The following RFX3 variants were observed in gnomAD, a reference collection of about 807,000 sequenced individuals.
The protein encoded by RFX3 is transcription factor RFX3.
Under a neutral mutation model 98.6 loss-of-function variants are expected in RFX3, and 14 were observed. The ratio of observed to expected loss-of-function variants is 0.14; its 90% CI spans 0.09 to 0.22. RFX3 has a LOEUF of 0.22. RFX3 is among the 10% of genes least tolerant of loss of function. The pLI, the probability that RFX3 is intolerant of heterozygous loss-of-function variation, is 1.00. For missense variants in RFX3, 639 were observed against 926.9 expected (o/e 0.69, Z 4.03); for synonymous variants, 383 against 328.4 (o/e 1.17, Z -1.80).
chr9:3,271,091 G>T lies in RFX3; in HGVS notation c.1114C>A (p.Gln372Lys). 1 of 1,613,760 alleles carries T rather than the reference G, an allele frequency of 6.2e-7. No individual in the cohort carries two copies. Among genetic ancestry groups the T allele is most frequent in the Non-Finnish European group, 8.5e-7 (1 of 1,179,802 alleles). The change falls in exon 10 of 17, where the codon CAA becomes AAA. Residue 372 changes from glutamine to lysine, a missense_variant. Physicochemically the swap from Gln to Lys is moderately conservative, Grantham distance 53. This residue lies in a region of RFX3 where 6 missense variants were observed against 34.5 expected (regional missense o/e 0.17). Transcript: ENST00000617270. Reference sequence around the variant, plus strand: ...CACAATTTTTCTATCAGGCTAAATTGAAGATTCACAACAACGTCCAATATT... The same window carrying T: ...CACAATTTTTCTATCAGGCTAAATTTAAGATTCACAACAACGTCCAATATT... ...EAILDVVVNL[Q>K]FSLIEKLWQT...
At chr9:3,414,941 T>C (rs903483733) in intron 1 of RFX3, among the ~76,000 whole-genome samples, 9 of 137,846 alleles carry the variant, frequency 6.5e-5, no homozygotes, top group East Asian at 4.2e-4. Context: ...TGTATATATA[T>C]ACACATATAT....
chr9:3,467,913 A>G (rs1050802249), intron 1 of RFX3, among the ~76,000 whole-genome samples: 3 of 152,210 alleles, frequency 2.0e-5, no homozygotes, highest in African/African-American at 7.2e-5. Context: ...AGCATCATGC[A>G]GCAGCAATCA....
At position 3,224,862 on chromosome 9, in the gene RFX3, T is replaced by C; in HGVS notation, c.*180A>G. 1 of 524,840 alleles carries C rather than the reference T, an allele frequency of 1.9e-6. No individual in the cohort carries two copies. The highest frequency in any genetic ancestry group is 3.3e-6 in the Non-Finnish European group (1 of 306,990). The allele number at this position is 524,840 out of a possible 1,614,324, so 32.5% of individuals were successfully genotyped here. A position where few individuals can be genotyped will look rare whatever the true frequency, so the allele number is the denominator to read the frequency against. ...ATTATTAAGAAGCAAATAATTTGTT[T>C]ACGTTAAAAAAAAAGATCTGGCAAA... On this transcript the variant is annotated 3_prime_UTR_variant, in exon 17 of 17. Transcript: ENST00000617270.
chr9:3,518,092 T>C (rs937440986), intron 1 of RFX3, among the ~76,000 whole-genome samples: 1 of 152,200 alleles, frequency 6.6e-6, no homozygotes, highest in African/African-American at 2.4e-5. Flanking sequence ...CTACGCAGGT[T>C]TATAGACGAG....
At position 3,263,539 on chromosome 9, in the gene RFX3, T is replaced by C. The variant is rs770712618; in HGVS notation, c.1456-455A>G. On this transcript the variant is annotated intron_variant, in intron 12 of 16. Transcript: ENST00000617270. Reference sequence around the variant, plus strand: ...ATCTGGACATTCCTACTCTTTACATTGTATTTAAAAATGCATGTGAGAGCA... The same window carrying C: ...ATCTGGACATTCCTACTCTTTACATCGTATTTAAAAATGCATGTGAGAGCA... Among the ~76,000 whole-genome samples, 53 of 152,220 alleles carry C rather than the reference T, an allele frequency of 3.5e-4. 1 individual carries two copies. Among genetic ancestry groups the C allele is most frequent in the Admixed American group, 2.6e-4 (4 of 15,276 alleles).
At chr9:3,443,097 G>A (rs1034486964) in intron 1 of RFX3, among the ~76,000 whole-genome samples, 12 of 151,980 alleles carry the variant, frequency 7.9e-5, no homozygotes, top group Non-Finnish European at 1.5e-5. Context: ...TGACAAATAA[G>A]CACAAAAAAA....
At chr9:3,296,413 G>C (rs1285865580) in intron 5 of RFX3, among the ~76,000 whole-genome samples, 1 of 151,758 alleles carries the variant, frequency 6.6e-6, no homozygotes, top group Non-Finnish European at 1.5e-5. Flanking sequence ...GAAATGGCTA[G>C]GTAAGTCAAA....
At chr9:3,292,453 T>A (rs992121225) in intron 6 of RFX3, among the ~76,000 whole-genome samples, 58 of 152,094 alleles carry the variant, frequency 3.8e-4, no homozygotes, top group Non-Finnish European at 1.5e-5. Flanking sequence ...CACATACACA[T>A]GGTTTCATAT....
chr9:3,267,213 G>T (rs1823767471), intron 11 of RFX3, among the ~76,000 whole-genome samples: 1 of 151,934 alleles, frequency 6.6e-6, no homozygotes. Context: ...TAGTAATGTA[G>T]AGGAAAATTA....
At chr9:3,376,498 A>C (rs969084447) in intron 2 of RFX3, among the ~76,000 whole-genome samples, 2 of 152,206 alleles carry the variant, frequency 1.3e-5, no homozygotes. Flanking sequence ...TCATACACAC[A>C]ATAACATGGA....
intron 1 of RFX3, among the ~76,000 whole-genome samples, chr9:3,445,843 G>C (rs1264541302): frequency 1.3e-5 from 2 of 152,080 alleles, no homozygotes; most frequent in Admixed American, 1.3e-4. Context: ...TGTACTTGCT[G>C]TTCTCACTTC....
chr9:3,263,922 C>G (rs977414909), intron 12 of RFX3, among the ~76,000 whole-genome samples: 3 of 152,126 alleles, frequency 2.0e-5, no homozygotes, highest in African/African-American at 7.2e-5. Flanking sequence ...TAGAGCGGAA[C>G]CTGCTTTCCT....
At chr9:3,519,594 G>C (rs1017218548) in intron 1 of RFX3, among the ~76,000 whole-genome samples, 4 of 152,150 alleles carry the variant, frequency 2.6e-5, no homozygotes, top group African/African-American at 7.2e-5. Context: ...AGGCAGGGAA[G>C]ATTGATCCTA....
At chr9:3,516,443 C>T (rs1399052489) in intron 1 of RFX3, among the ~76,000 whole-genome samples, 1 of 152,060 alleles carries the variant, frequency 6.6e-6, no homozygotes. Flanking sequence ...AATGCTTATC[C>T]AAGTATAAAC....
At chr9:3,372,119 T>C (rs1468333536) in intron 2 of RFX3, among the ~76,000 whole-genome samples, 1 of 152,230 alleles carries the variant, frequency 6.6e-6, no homozygotes, top group East Asian at 1.9e-4. Context: ...TTTCTTTGCC[T>C]GAGAGATTTC....
intron 1 of RFX3, among the ~76,000 whole-genome samples, chr9:3,403,629 T>G (rs1316785781): frequency 6.6e-6 from 1 of 152,178 alleles, no homozygotes; most frequent in African/African-American, 2.4e-5. Context: ...GAAAAACTAT[T>G]ACTTAAAGAA....
Position 3,317,731 on chromosome 9 carries a change from A to G in RFX3, c.474+12528T>C, listed in dbSNP as rs974126331. Among the ~76,000 whole-genome samples, 4 of 152,242 alleles carry G rather than the reference A, an allele frequency of 2.6e-5. No individual in the cohort carries two copies. The South Asian group carries it at 8.3e-4, about 31-fold the overall frequency. ...CAAAGGATATGAACAGACACTTCTC[A>G]AAAGAAGACATTTATGCAGCCAATA... On this transcript the variant is annotated intron_variant, in intron 4 of 16. Coordinates refer to ENST00000617270, the MANE Select transcript of RFX3 (RefSeq NM_001282116.2).
intron 8 of RFX3, 41 bp from the exon 9 acceptor site, chr9:3,275,653 T>A (rs759598007): frequency 8.0e-7 from 1 of 1,243,790 alleles, no homozygotes; most frequent in South Asian, 1.3e-5. Flanking sequence ...CTATTGTGGA[T>A]GGTGCCAATT....
intron 15 of RFX3, chr9:3,247,246 C>A (rs1017660198): frequency 1.1e-5 from 9 of 840,524 alleles, no homozygotes; most frequent in Admixed American, 6.7e-4. Flanking sequence ...ATTATATTAA[C>A]CAGCCCTTGT....
Sources: allele counts gnomAD v4.1 joint callset (sites outside exome capture counted in the v4.1 genomes callset), GRCh38; gene constraint gnomAD v4.1.1; regional missense constraint gnomAD v4.1.1; transcripts MANE v1.5; gene names NCBI Gene and HGNC (gene_info 2026-07-23, HGNC 2026-07-21).